The following SOX5 variants were observed in gnomAD, a reference collection of about 807,000 sequenced individuals.
SOX5 encodes SRY-box transcription factor 5, also known as transcription factor SOX-5.
In SOX5, 9 loss-of-function variants were observed where a neutral mutation model predicts 92.0. The observed-to-expected ratio is 0.10, with a 90% CI of 0.06 to 0.17. SOX5 has a LOEUF of 0.17. SOX5 is among the 10% of genes least tolerant of loss of function. The pLI is 1.00. For missense variants in SOX5, 642 were observed against 944.5 expected (o/e 0.68, Z 4.20); for synonymous variants, 344 against 336.3 (o/e 1.02, Z -0.25).
intron 2 of SOX5, among the ~76,000 whole-genome samples, chr12:24,322,169 T>C (rs2094590590): frequency 6.6e-6 from 1 of 152,176 alleles, no homozygotes; most frequent in Non-Finnish European, 1.5e-5. Flanking sequence ...TGCTTAATTA[T>C]GGCATTTTAG....
At chr12:24,070,972 C>A (rs553676932) in intron 4 of SOX5, among the ~76,000 whole-genome samples, 1 of 152,102 alleles carries the variant, frequency 6.6e-6, no homozygotes, top group African/African-American at 2.4e-5. Context: ...GGAACAAATA[C>A]GTTTGAACCT....
At chr12:24,295,517 AG>A (rs1947113782) in intron 2 of SOX5, among the ~76,000 whole-genome samples, 1 of 152,164 alleles carries the variant, frequency 6.6e-6, no homozygotes, top group African/African-American at 2.4e-5. Context: ...TGCTCACTAA[AG>A]GATATTTTGT....
intron 1 of SOX5, among the ~76,000 whole-genome samples, chr12:24,416,670 C>T (rs1965073447): frequency 6.6e-6 from 1 of 152,168 alleles, no homozygotes; most frequent in Admixed American, 6.5e-5. Flanking sequence ...ACTGAAAATA[C>T]ACACAATGAG....
At chr12:24,084,549 T>C (rs1943737807) in intron 4 of SOX5, among the ~76,000 whole-genome samples, 1 of 152,118 alleles carries the variant, frequency 6.6e-6, no homozygotes. Context: ...TAGTCCTCTA[T>C]ACATTTCATT....
intron 9 of SOX5, among the ~76,000 whole-genome samples, chr12:23,584,920 C>G (rs537459770): frequency 4.6e-5 from 7 of 152,086 alleles, no homozygotes; most frequent in African/African-American, 1.7e-4. Flanking sequence ...AAATTTCAAA[C>G]AGTTTAAGAC....
upstream of SOX5, chr12:23,950,731 A>T (rs1945481722): frequency 1.3e-6 from 1 of 758,096 alleles, no homozygotes; most frequent in East Asian, 2.7e-5. Flanking sequence ...ACAGATTCTA[A>T]GCTGGCTGGC....
chr12:24,208,975 G>A (rs1594278968), intron 4 of SOX5, among the ~76,000 whole-genome samples: 1 of 152,242 alleles, frequency 6.6e-6, no homozygotes, highest in East Asian at 1.9e-4. Context: ...AGAGTGTAGA[G>A]GATTGAGGAG....
intron 1 of SOX5, among the ~76,000 whole-genome samples, chr12:24,387,353 T>G (rs565270188): frequency 3.9e-5 from 6 of 152,300 alleles, no homozygotes; most frequent in African/African-American, 1.4e-4. Context: ...ACATTGAGAT[T>G]TTTTTGCAAT....
In SOX5 at chr12:23,538,248, A is replaced by G. The variant is rs372078497; in HGVS notation, c.1772-1579T>C. On this transcript the variant is annotated intron_variant, in intron 13 of 14. Coordinates refer to ENST00000451604, the MANE Select transcript of SOX5 (RefSeq NM_006940.6). ...GGCTGTTACATTTATTAAAGCATAC[A>G]GTGAAAGAGGCAATATCTCTTCCCT... Among the ~76,000 whole-genome samples, 15 of 152,318 alleles carry G rather than the reference A, an allele frequency of 9.8e-5. No homozygotes were observed. The East Asian group carries it at 1.2e-3, about 12-fold the overall frequency.
At chr12:24,017,567 T>C (rs1953790342) in intron 4 of SOX5, among the ~76,000 whole-genome samples, 1 of 151,678 alleles carries the variant, frequency 6.6e-6, no homozygotes, top group Non-Finnish European at 1.5e-5. Flanking sequence ...GCCCCTGCAC[T>C]CCAGCCTGGG....
intron 4 of SOX5, among the ~76,000 whole-genome samples, chr12:24,168,847 C>A (rs74068420): frequency 0.02 from 3,054 of 152,164 alleles, 103 homozygotes; most frequent in African/African-American, 0.069. Context: ...AGGATACATT[C>A]TTTTGTATGT....
rs181474665 is a variant in SOX5 at position 24,230,902 on chromosome 12, T to G, written c.-76-17485A>C. Reference sequence around the variant, plus strand: ...TGACTTCTTATTCTTCCCTGCTTCTTGACAAGATAAATCTAAAAAGTGGCA... The same window carrying G: ...TGACTTCTTATTCTTCCCTGCTTCTGGACAAGATAAATCTAAAAAGTGGCA... On this transcript the variant is annotated intron_variant, in intron 3 of 4. Coordinates refer to the SOX5 transcript ENST00000446891. 1.5e-4 allele frequency among the ~76,000 whole-genome samples: 23 copies of G among 152,346 alleles called. No homozygotes were observed. In the East Asian group the frequency reaches 3.5e-3, roughly 23 times the overall value.
At chr12:23,853,657 T>A (rs2096657895) in intron 2 of SOX5, among the ~76,000 whole-genome samples, 2 of 151,958 alleles carry the variant, frequency 1.3e-5, no homozygotes, top group African/African-American at 4.8e-5. Flanking sequence ...AAAATGTATG[T>A]TTTCATGTGC....
chr12:24,037,675 T>C (rs1234927509), intron 4 of SOX5, among the ~76,000 whole-genome samples: 1 of 152,176 alleles, frequency 6.6e-6, no homozygotes, highest in African/African-American at 2.4e-5. Flanking sequence ...TTATTTCTAT[T>C]CCAAAAGTTA....
intron 1 of SOX5, among the ~76,000 whole-genome samples, chr12:24,373,931 T>G (rs947060239): frequency 6.6e-6 from 1 of 152,190 alleles, no homozygotes; most frequent in Non-Finnish European, 1.5e-5. Context: ...GCTTTGAGTT[T>G]CAGAGCTAAC....
chr12:24,070,929 G>C (rs1941678013), intron 4 of SOX5, among the ~76,000 whole-genome samples: 1 of 152,146 alleles, frequency 6.6e-6, no homozygotes, highest in South Asian at 2.1e-4. Context: ...AACTAGGCTA[G>C]TTTTGCCTAA....
chr12:23,835,953 C>T (rs2096407751), intron 3 of SOX5, among the ~76,000 whole-genome samples: 1 of 151,728 alleles, frequency 6.6e-6, no homozygotes, highest in Non-Finnish European at 1.5e-5. Flanking sequence ...ACTGGAATGG[C>T]TATACACAGG....
At chr12:24,434,408 AT>A (rs1159589734) in intron 1 of SOX5, among the ~76,000 whole-genome samples, 1 of 152,180 alleles carries the variant, frequency 6.6e-6, no homozygotes, top group African/African-American at 2.4e-5. Context: ...CTCTACTGAA[AT>A]GCAAAAAGCT....
chr12:23,536,444 G>T lies in SOX5; in HGVS notation c.1988+9C>A, dbSNP rs762322316. 5.0e-6 allele frequency: 8 copies of T among 1,608,540 alleles called. No individual in the cohort carries two copies. Among genetic ancestry groups the T allele is most frequent in the South Asian group, 4.4e-5 (4 of 90,940 alleles). ...TGCCCCATGAGAAAAATGACTAAAAGGTACATACCCAACATTGAAGTACTG... is the reference window on the plus strand; with the variant it reads ...TGCCCCATGAGAAAAATGACTAAAATGTACATACCCAACATTGAAGTACTG... On this transcript the variant is annotated intron_variant, in intron 14 of 14. Coordinates refer to ENST00000451604, the MANE Select transcript of SOX5 (RefSeq NM_006940.6).
Sources: allele counts gnomAD v4.1 joint callset (sites outside exome capture counted in the v4.1 genomes callset), GRCh38; gene constraint gnomAD v4.1.1; transcripts MANE v1.5; gene names NCBI Gene and HGNC (gene_info 2026-07-23, HGNC 2026-07-21).